CPZ: variants seen among roughly 807,000 people sequenced by gnomAD.
CPZ encodes carboxypeptidase Z.
CPZ carries 103 observed loss-of-function variants against 61.8 expected under a neutral mutation model. The ratio of observed to expected loss-of-function variants is 1.67; its 90% CI spans 1.42 to 1.96. The LOEUF is 1.96. Among genes scored for constraint, CPZ ranks in the 30% most tolerant of loss-of-function variants. The pLI, the probability that CPZ is intolerant of heterozygous loss-of-function variation, is 0.00. For missense variants in CPZ, 1,461 were observed against 914.9 expected (o/e 1.60, Z -7.70); for synonymous variants, 551 against 373.7 (o/e 1.47, Z -5.47).
chr4:8,599,621 AC>A, intron 2 of CPZ, 136 bp downstream of exon 2: 2 of 1,485,344 alleles, frequency 1.3e-6, no homozygotes, highest in African/African-American at 1.4e-5. Context: ...TCAAACTAGA[AC>A]CCCCTCGTAA....
In CPZ at chr4:8,592,934, C is replaced by G. The variant is rs745553654; in HGVS notation, c.88+13C>G. The G allele has an allele frequency of 2.0e-6, 3 of 1,523,578 alleles. No individual in the cohort carries two copies. Among genetic ancestry groups the G allele is most frequent in the Non-Finnish European group, 1.8e-6 (2 of 1,134,870 alleles). The allele number at this position is 1,523,578 out of a possible 1,614,324, so 94.4% of individuals were successfully genotyped here. On this transcript the variant is annotated intron_variant, in intron 1 of 10. Coordinates refer to ENST00000360986, the MANE Select transcript of CPZ (RefSeq NM_001014447.3). ...CGGAACCCCGCCGGTAAGGCCGTCC[C>G]CTGCCCCCACCCTCCACCCTCCACC...
Position 8,618,317 on chromosome 4 carries a change from T to G in CPZ, c.1504-112T>G, listed in dbSNP as rs558761215. 1.3e-5 allele frequency: 12 copies of G among 913,956 alleles called. No homozygotes were observed. The East Asian group carries it at 2.8e-4, about 21-fold the overall frequency. The allele number at this position is 913,956 out of a possible 1,614,324, so 56.6% of individuals were successfully genotyped here. ...GCTGGCAGAGTGGGGCTCTGTGGGG[T>G]AGTTCCCCCTAGATACCAAGCTCTG... On this transcript the variant is annotated intron_variant, in intron 9 of 10. Coordinates refer to ENST00000360986, the MANE Select transcript of CPZ (RefSeq NM_001014447.3).
intron 2 of CPZ, chr4:8,600,905 G>A: frequency 7.8e-7 from 1 of 1,276,620 alleles, no homozygotes; most frequent in South Asian, 3.1e-5. Context: ...CTGGCTTGCT[G>A]GTGGGTAGTT....
chr4:8,593,917 C>A (rs1713982315), intron 1 of CPZ, among the ~76,000 whole-genome samples: 2 of 152,308 alleles, frequency 1.3e-5, no homozygotes, highest in African/African-American at 4.8e-5. Context: ...AGGTGGGGTG[C>A]TGCTGGAGCT....
intron 9 of CPZ, 180 bp from the exon 10 acceptor site, chr4:8,618,249 C>G (rs774009725): frequency 1.6e-6 from 1 of 608,964 alleles, no homozygotes; most frequent in Non-Finnish European, 2.9e-6. Flanking sequence ...AACTGAGGCC[C>G]AGAGAGGGGA....
Position 8,607,332 on chromosome 4 carries a change from C to G in CPZ, c.1134C>G (p.Ser378Arg). 4.3e-6 allele frequency: 7 copies of G among 1,614,118 alleles called. No individual in the cohort carries two copies. The highest frequency in any genetic ancestry group is 5.9e-6 in the Non-Finnish European group (7 of 1,179,986). Residue 378 changes from serine (S) to arginine (R), a missense_variant, in exon 7 of 11, where the codon AGC becomes AGG. Coordinates refer to ENST00000360986, the MANE Select transcript of CPZ (RefSeq NM_001014447.3). Reference protein sequence around the residue: ...MQTIPFVLSASLHGGDLVVSY... With the variant: ...MQTIPFVLSARLHGGDLVVSY... ...CCATACCCTTTGTGCTCTCAGCCAG[C>G]CTTCATGGGGGCGACCTGGTGGTGT...
chr4:8,609,120 TCA>T, intron 7 of CPZ, among the ~76,000 whole-genome samples: 1 of 17,624 alleles, frequency 5.7e-5, no homozygotes, highest in African/African-American at 1.5e-4. Flanking sequence ...CCTCACTCCC[TCA>T]CTCATTCACT....
intron 7 of CPZ, among the ~76,000 whole-genome samples, chr4:8,607,993 C>T (rs376133175): frequency 3.9e-4 from 59 of 152,308 alleles, no homozygotes; most frequent in East Asian, 7.7e-4. Context: ...CGATGAGACC[C>T]GTGATGATGC....
Position 8,619,500 on chromosome 4 carries a change from G to C in CPZ, c.1842G>C (p.Thr614=), listed in dbSNP as rs141582324. ...GTGCCAGCTCTTTGGGGGAGGCCAC[G>C]GAGCCCGACCCGCTCCGGGCGCGCA... ...LGGASSLGEA[T]EPDPLRARRQ... The change falls in exon 11 of 11, where the codon ACG becomes ACC. Residue 614 remains threonine (T), a synonymous_variant. Transcript: ENST00000360986. 3.1e-6 allele frequency: 5 copies of C among 1,606,274 alleles called. No individual in the cohort carries two copies. In the African/African-American group the frequency reaches 5.3e-5, roughly 17 times the overall value.
intron 9 of CPZ, among the ~76,000 whole-genome samples, chr4:8,617,368 G>T (rs762718620): frequency 1.3e-5 from 2 of 152,162 alleles, no homozygotes; most frequent in African/African-American, 4.8e-5. Flanking sequence ...AGCCCCTCTC[G>T]GGCTAATGTC....
At chr4:8,618,721 G>T (rs1469259293) in intron 10 of CPZ, among the ~76,000 whole-genome samples, 193 bp downstream of exon 10, 1 of 152,164 alleles carries the variant, frequency 6.6e-6, no homozygotes, top group East Asian at 1.9e-4. Flanking sequence ...TTTGGTGAGG[G>T]AAGAGCTTGC....
chr4:8,600,650 C>T (rs1289976297), intron 2 of CPZ, among the ~76,000 whole-genome samples: 1 of 152,238 alleles, frequency 6.6e-6, no homozygotes, highest in East Asian at 1.9e-4. Flanking sequence ...GGCTGAGCCG[C>T]ATCTGTCATT....
At chr4:8,609,067 A>C (rs796218656) in intron 7 of CPZ, among the ~76,000 whole-genome samples, 141 of 50,160 alleles carry the variant, frequency 2.8e-3, no homozygotes, top group African/African-American at 9.7e-3. Flanking sequence ...TCACTCCCTC[A>C]CTCACCACTC....
intron 7 of CPZ, chr4:8,611,349 C>A (rs552215630): frequency 9.0e-6 from 4 of 442,532 alleles, no homozygotes; most frequent in South Asian, 1.6e-5. Context: ...GGGCACAATG[C>A]GGGGAAGCTC....
rs1049926622 is a variant in CPZ, at chr4:8,613,805, G to A, written c.1364-554G>A. ...GTTGTCCACCCTAGCCTGGGCCCGT[G>A]GTCTCCCTGGGAGATGGAGCTAATA... On this transcript the variant is annotated intron_variant, in intron 8 of 10. Coordinates refer to ENST00000360986, the MANE Select transcript of CPZ (RefSeq NM_001014447.3). Among the ~76,000 whole-genome samples, 180 of 152,204 alleles carry A rather than the reference G, an allele frequency of 1.2e-3. 1 individual carries two copies. The highest frequency in any genetic ancestry group is 2.6e-4 in the Non-Finnish European group (18 of 68,026).
chr4:8,611,499 G>A (rs1350465764), intron 7 of CPZ, among the ~76,000 whole-genome samples: 3 of 152,160 alleles, frequency 2.0e-5, no homozygotes, highest in Admixed American at 2.0e-4. Flanking sequence ...GGTAGTCAGG[G>A]AGGGGCTTCC....
intron 9 of CPZ, among the ~76,000 whole-genome samples, chr4:8,616,096 G>A (rs2109346268): frequency 6.6e-6 from 1 of 152,356 alleles, no homozygotes; most frequent in South Asian, 2.1e-4. Context: ...CTTGGGATAT[G>A]AAGATTTACA....
chr4:8,609,122 A>ACTCC (rs1305262268), intron 7 of CPZ, among the ~76,000 whole-genome samples: 202 of 13,002 alleles, frequency 0.016, 1 homozygote, highest in African/African-American at 0.028. Flanking sequence ...TCACTCCCTC[A>ACTCC]CTCATTCACT....
intron 7 of CPZ, among the ~76,000 whole-genome samples, chr4:8,608,589 C>G (rs1715251391): frequency 6.6e-6 from 1 of 150,944 alleles, no homozygotes; most frequent in East Asian, 1.9e-4. Context: ...GAAATGGAGC[C>G]AGAAACTGGC....
Sources: allele counts gnomAD v4.1 joint callset (sites outside exome capture counted in the v4.1 genomes callset), GRCh38; gene constraint gnomAD v4.1.1; transcripts MANE v1.5; gene names NCBI Gene and HGNC (gene_info 2026-07-23, HGNC 2026-07-21).